The following CSGALNACT1 variants were observed in gnomAD, a reference collection of about 807,000 sequenced individuals.
The protein encoded by CSGALNACT1 is beta4GalNAcT-1.
A neutral mutation model predicts 51.0 loss-of-function variants in CSGALNACT1; 52 were observed. The observed-to-expected ratio is 1.02, with a 90% CI of 0.82 to 1.29. CSGALNACT1 has a LOEUF of 1.29. CSGALNACT1 is among the 50% of genes most tolerant of loss of function. CSGALNACT1 has a pLI of 0.00. For synonymous variants in CSGALNACT1, 341 were observed against 254.4 expected, an observed-to-expected ratio of 1.34 and a Z score of -3.24; for missense variants, 935 against 679.2, an observed-to-expected ratio of 1.38 and a Z score of -4.19.
In CSGALNACT1 at chr8:19,757,213, C is replaced by A. The variant is rs2065457165; in HGVS notation, c.-297+637G>T. 1 of 149,760 alleles carries A rather than the reference C, an allele frequency of 6.7e-6. No homozygotes were observed. The highest frequency in any genetic ancestry group is 2.4e-5 in the African/African-American group (1 of 41,210). The allele number at this position is 149,760 out of a possible 1,614,324, so 9.3% of individuals were successfully genotyped here. ...GAAGCGCCCTGCTAGCTGCCCGGCC[C>A]GGCTCCGGCCGCTGCCGCCGTCGCT... On this transcript the variant is annotated intron_variant, in intron 1 of 1. Coordinates refer to the CSGALNACT1 transcript ENST00000517494. This position sits in a 1 kb window ranked among gnomAD's most constrained non-coding sequence, Gnocchi z 4.0.
intron 4 of CSGALNACT1, among the ~76,000 whole-genome samples, chr8:19,498,584 T>C (rs531804788): frequency 6.6e-6 from 1 of 152,256 alleles, no homozygotes; most frequent in African/African-American, 2.4e-5. Context: ...CTCTTTCCCC[T>C]GAGTCTTTCC....
At chr8:19,523,434 T>G (rs2081102267) in intron 3 of CSGALNACT1, among the ~76,000 whole-genome samples, 1 of 151,950 alleles carries the variant, frequency 6.6e-6, no homozygotes, top group Admixed American at 6.6e-5. Context: ...CCAGCTAATT[T>G]TTTTTTTTTA....
At chr8:19,736,139 G>T (rs2063955378) in intron 1 of CSGALNACT1, among the ~76,000 whole-genome samples, 1 of 152,168 alleles carries the variant, frequency 6.6e-6, no homozygotes, top group Non-Finnish European at 1.5e-5. Context: ...TCTTTTGTTT[G>T]CAATGTGTGC....
intron 1 of CSGALNACT1, among the ~76,000 whole-genome samples, chr8:19,644,709 CA>C (rs756025465): frequency 0.032 from 718 of 22,242 alleles, no homozygotes; most frequent in African/African-American, 0.083. Flanking sequence ...GACTCCGTCT[CA>C]AAAAAAAAAA....
chr8:19,511,278 G>A (rs1456960370), intron 3 of CSGALNACT1, among the ~76,000 whole-genome samples: 1 of 152,226 alleles, frequency 6.6e-6, no homozygotes, highest in Non-Finnish European at 1.5e-5. Context: ...AAAACAAGCA[G>A]TGTCTATGGG....
chr8:19,714,878 G>A (rs147772284), intron 1 of CSGALNACT1, among the ~76,000 whole-genome samples: 213 of 152,170 alleles, frequency 1.4e-3, no homozygotes, highest in Middle Eastern at 3.4e-3. Flanking sequence ...GGTAATAAGC[G>A]TAATACCTGA....
At chr8:19,579,740 G>T (rs918713622) in intron 3 of CSGALNACT1, among the ~76,000 whole-genome samples, 3 of 152,222 alleles carry the variant, frequency 2.0e-5, no homozygotes, top group Non-Finnish European at 4.4e-5. Context: ...CCTAAAAACA[G>T]TTATGGTATT....
At chr8:19,434,298 C>T (rs1399455538) in intron 6 of CSGALNACT1, among the ~76,000 whole-genome samples, 2 of 152,160 alleles carry the variant, frequency 1.3e-5, no homozygotes, top group Non-Finnish European at 2.9e-5. Flanking sequence ...ATTTTCCCCA[C>T]ATTTTTATTT....
chr8:19,631,881 G>A (rs932873086), intron 1 of CSGALNACT1, among the ~76,000 whole-genome samples: 5 of 152,220 alleles, frequency 3.3e-5, no homozygotes, highest in Non-Finnish European at 7.3e-5. Flanking sequence ...CAGGGCAGCA[G>A]GGAGGGGCCT....
intron 1 of CSGALNACT1, 43 bp from the exon 2 acceptor site, chr8:19,601,908 A>G (rs1211345829): frequency 2.2e-6 from 1 of 453,564 alleles, no homozygotes; most frequent in South Asian, 1.6e-5. Context: ...GTAAATTTCC[A>G]TGTCTTAAAT....
rs142287827 is a variant in CSGALNACT1 at position 19,405,012 on chromosome 8, T to A, written c.*768A>T. The A allele has an allele frequency of 8.8e-6, 4 of 453,582 alleles. No homozygotes were observed. In the East Asian group the frequency reaches 2.8e-4, roughly 32 times the overall value. 28.1% of individuals were successfully genotyped at this position (453,582 alleles called of 1,614,324 possible). A position where few individuals can be genotyped will look rare whatever the true frequency, so the allele number is the denominator to read the frequency against. ...TTGGATATGGCATCAATTTGATGCT[T>A]TGAACTGAAAGTTCTCATAATGCAT... On this transcript the variant is annotated 3_prime_UTR_variant, in exon 10 of 10. Transcript: ENST00000454498.
intron 1 of CSGALNACT1, among the ~76,000 whole-genome samples, chr8:19,616,906 G>T (rs1374681536): frequency 2.6e-5 from 4 of 152,176 alleles, no homozygotes; most frequent in African/African-American, 9.7e-5. Flanking sequence ...CGGGGGTGGG[G>T]CAGGGTTGGG....
chr8:19,547,450 T>C (rs201062810), intron 3 of CSGALNACT1, among the ~76,000 whole-genome samples: 31 of 152,210 alleles, frequency 2.0e-4, no homozygotes, highest in East Asian at 3.9e-4. Context: ...GGGGGTGGTT[T>C]CCCCATACTG....
intron 3 of CSGALNACT1, among the ~76,000 whole-genome samples, chr8:19,578,979 C>T (rs928247632): frequency 1.3e-5 from 2 of 152,152 alleles, no homozygotes; most frequent in African/African-American, 4.8e-5. Context: ...ATCCTCCTGC[C>T]TCACATCCTT....
At chr8:19,712,887 C>A (rs1471200875) in intron 1 of CSGALNACT1, among the ~76,000 whole-genome samples, 2 of 152,178 alleles carry the variant, frequency 1.3e-5, no homozygotes, top group Non-Finnish European at 1.5e-5. Context: ...ACAATGAACC[C>A]AATCCTGACT....
At chr8:19,467,211 T>C (rs1465092640) in intron 4 of CSGALNACT1, among the ~76,000 whole-genome samples, 1 of 145,020 alleles carries the variant, frequency 6.9e-6, no homozygotes, top group Non-Finnish European at 1.5e-5. Flanking sequence ...GCTCTGACTC[T>C]CGGTTTCACA....
At chr8:19,489,988 A>G (rs1163259365) in intron 4 of CSGALNACT1, among the ~76,000 whole-genome samples, 1 of 152,174 alleles carries the variant, frequency 6.6e-6, no homozygotes, top group Non-Finnish European at 1.5e-5. Flanking sequence ...TCAGAAAATG[A>G]CCAATTGCCT....
intron 1 of CSGALNACT1, among the ~76,000 whole-genome samples, chr8:19,679,610 G>A (rs963806796): frequency 6.6e-6 from 1 of 152,002 alleles, no homozygotes; most frequent in African/African-American, 2.4e-5. Context: ...TAGGATACTC[G>A]CTATTCTTCT....
chr8:19,458,389 C>A, intron 5 of CSGALNACT1, 37 bp downstream of exon 4: 1 of 1,493,902 alleles, frequency 6.7e-7, no homozygotes, highest in African/African-American at 1.4e-5. Flanking sequence ...TAACACACAT[C>A]ATGCGGAGGA....
Sources: gnomAD v4.1 joint callset for allele counts (sites outside exome capture counted in the v4.1 genomes callset) on GRCh38, gnomAD v4.1.1 for gene constraint, Gnocchi (gnomAD v3.1) non-coding constraint, MANE v1.5 for transcripts, NCBI Gene and HGNC (gene_info 2026-07-23, HGNC 2026-07-21) for gene names.